CHODL: variants seen among roughly 807,000 people sequenced by gnomAD.
CHODL encodes transmembrane protein MT75.
Under a neutral mutation model 34.5 loss-of-function variants are expected in CHODL, and 29 were observed. That is an observed-to-expected ratio of 0.84 (90% confidence interval 0.63 to 1.15). The LOEUF (loss-of-function observed/expected upper bound fraction) is 1.15. Ranked by LOEUF, CHODL falls within the 50% of genes most tolerant of loss-of-function variation. The probability of loss-of-function intolerance (pLI) is 0.00; values close to 1 mark genes in which losing one functional copy is unlikely to be tolerated. For synonymous variants in CHODL, 125 were observed against 116.1 expected (o/e 1.08, Z -0.49); for missense variants, 332 against 332.5 (o/e 1.00, Z 0.01).
At chr21:17,933,227 G>A (rs1039096361) in intron 1 of CHODL, among the ~76,000 whole-genome samples, 4 of 152,278 alleles carry the variant, frequency 2.6e-5, no homozygotes, top group South Asian at 2.1e-4. Context: ...GCAAAGAGGT[G>A]TTCCTTCCTC....
chr21:18,190,374 C>G (rs1195629794), intron 2 of CHODL, among the ~76,000 whole-genome samples: 1 of 152,114 alleles, frequency 6.6e-6, no homozygotes, highest in Non-Finnish European at 1.5e-5. Context: ...CATTCCTATT[C>G]CATCATGCTC....
chr21:18,109,530 T>C (rs2065320933), intron 2 of CHODL, among the ~76,000 whole-genome samples: 2 of 152,252 alleles, frequency 1.3e-5, no homozygotes, highest in Admixed American at 1.3e-4. Flanking sequence ...AGGTTGGCAT[T>C]ATGTTTTGGG....
chr21:18,256,285 G>C (rs1246035498), intron 1 of CHODL, among the ~76,000 whole-genome samples: 1 of 152,116 alleles, frequency 6.6e-6, no homozygotes, highest in East Asian at 1.9e-4. Context: ...CTTGCTTGAA[G>C]TACTGGGTTT....
At chr21:18,219,691 T>A (rs1240505205) in intron 2 of CHODL, among the ~76,000 whole-genome samples, 2 of 152,180 alleles carry the variant, frequency 1.3e-5, no homozygotes, top group East Asian at 3.8e-4. Flanking sequence ...ATATCCAGCA[T>A]TTTTTATATA....
chr21:18,183,966 T>A (rs80098489), intron 2 of CHODL, among the ~76,000 whole-genome samples: 24,029 of 152,088 alleles, frequency 0.16, 2,208 homozygotes, highest in East Asian at 0.21. Flanking sequence ...TTTCTTTTTT[T>A]AAAAAAACCT....
At position 18,159,872 on chromosome 21, in the gene CHODL, A is replaced by G. The variant is rs148321274; in HGVS notation, c.-44-96637A>G. 2.6e-5 allele frequency among the ~76,000 whole-genome samples: 4 copies of G among 152,234 alleles called. No homozygotes were observed. The East Asian group carries it at 7.7e-4, about 29-fold the overall frequency. ...AGACAGAGGAAGAGGACCATGAGCC[A>G]AGGACTGTGGGCAGCCTCTAGAACA... On this transcript the variant is annotated intron_variant, in intron 2 of 6. Transcript: ENST00000400127.
chr21:18,262,814 G>T lies in CHODL; in HGVS notation c.658G>T (p.Val220Phe). 1 of 1,600,728 alleles carries T rather than the reference G, an allele frequency of 6.2e-7. No individual in the cohort carries two copies. Residue 220 changes from valine (V) to phenylalanine (F), a missense_variant, in exon 5 of 6, where the codon GTT becomes TTT. Coordinates refer to ENST00000299295, the MANE Select transcript of CHODL (RefSeq NM_024944.3). ...AGGTATAATTCCCAATCTAATTTAT[G>T]TTGTTATACCAACAATACCCCTGCT... ...EAGIIPNLIY[V>F]VIPTIPLLLL...
intron 1 of CHODL, among the ~76,000 whole-genome samples, chr21:18,014,149 G>C (rs1360738436): frequency 6.6e-6 from 1 of 152,150 alleles, no homozygotes; most frequent in Non-Finnish European, 1.5e-5. Context: ...ATGTGGAAGA[G>C]AGCAAAGGAA....
At chr21:18,028,380 G>A (rs187791913) in intron 2 of CHODL, among the ~76,000 whole-genome samples, 2 of 145,776 alleles carry the variant, frequency 1.4e-5, no homozygotes, top group Non-Finnish European at 3.0e-5. Context: ...ATTTTTACAG[G>A]TAAGTTTCAT....
At chr21:18,184,531 A>T (rs1290794185) in intron 2 of CHODL, among the ~76,000 whole-genome samples, 2 of 152,222 alleles carry the variant, frequency 1.3e-5, no homozygotes, top group African/African-American at 4.8e-5. Flanking sequence ...TGTTTGATAT[A>T]AAATTTCTAC....
At chr21:18,150,375 G>A (rs542350372) in intron 2 of CHODL, among the ~76,000 whole-genome samples, 177 of 152,228 alleles carry the variant, frequency 1.2e-3, no homozygotes, top group African/African-American at 4.0e-3. Context: ...CAGTCTCTCA[G>A]GTTAAATTGT....
At chr21:18,120,108 A>G (rs1453671026) in intron 2 of CHODL, among the ~76,000 whole-genome samples, 7 of 152,094 alleles carry the variant, frequency 4.6e-5, no homozygotes, top group African/African-American at 1.7e-4. Context: ...CACTGGAGCA[A>G]GGGGCTAAAG....
intron 1 of CHODL, among the ~76,000 whole-genome samples, chr21:17,992,971 A>G (rs1487934923): frequency 6.6e-6 from 1 of 152,010 alleles, no homozygotes; most frequent in African/African-American, 2.4e-5. Flanking sequence ...TTATTTGTAT[A>G]TAAAATCATG....
intron 2 of CHODL, among the ~76,000 whole-genome samples, chr21:18,138,207 G>T (rs2072757365): frequency 6.7e-6 from 1 of 149,486 alleles, no homozygotes; most frequent in African/African-American, 2.5e-5. Context: ...ATTTTCCACT[G>T]TAAAATCTTT....
intron 2 of CHODL, among the ~76,000 whole-genome samples, chr21:18,184,473 T>C (rs1047420373): frequency 3.3e-5 from 5 of 152,212 alleles, no homozygotes; most frequent in African/African-American, 1.2e-4. Flanking sequence ...TAAGCACATT[T>C]GGTTTCAGTT....
At chr21:18,161,980 CAT>C (rs975009380) in intron 2 of CHODL, among the ~76,000 whole-genome samples, 9 of 152,172 alleles carry the variant, frequency 5.9e-5, no homozygotes, top group Middle Eastern at 3.2e-3. Context: ...ATGACATACA[CAT>C]GTTATTACCA....
At chr21:18,085,206 C>T (rs1485569151) in intron 2 of CHODL, among the ~76,000 whole-genome samples, 1 of 151,874 alleles carries the variant, frequency 6.6e-6, no homozygotes, top group African/African-American at 2.4e-5. Context: ...TTGTAGGCAG[C>T]ATATAGTTAG....
chr21:17,932,712 C>A (rs1224336360), intron 1 of CHODL, among the ~76,000 whole-genome samples: 1 of 152,160 alleles, frequency 6.6e-6, no homozygotes, highest in Non-Finnish European at 1.5e-5. Flanking sequence ...AATGGAAAAT[C>A]AAATACTGAA....
In CHODL at chr21:17,949,191, A is replaced by G. The variant is rs143395910; in HGVS notation, c.-145+31791A>G. On this transcript the variant is annotated intron_variant, in intron 1 of 6. Coordinates refer to the CHODL transcript ENST00000400127. ...ATGTCCTTTTGTGAACTATTTCTAG[A>G]AAGAAATGGATTCCCAGCTCTCAGT... 3.1e-3 allele frequency among the ~76,000 whole-genome samples: 479 copies of G among 152,270 alleles called. 4 individuals are homozygous for G. The highest frequency in any genetic ancestry group is 0.011 in the African/African-American group (446 of 41,584).
Sources: gnomAD v4.1 joint callset for allele counts (sites outside exome capture counted in the v4.1 genomes callset) on GRCh38, gnomAD v4.1.1 for gene constraint, MANE v1.5 for transcripts, NCBI Gene and HGNC (gene_info 2026-07-23, HGNC 2026-07-21) for gene names.